EYS: variants seen among roughly 807,000 people sequenced by gnomAD.
EYS encodes protein eyes shut homolog.
EYS carries 250 observed loss-of-function variants against 282.1 expected under a neutral mutation model. The ratio of observed to expected loss-of-function variants is 0.89; its 90% CI spans 0.80 to 0.98. The LOEUF (loss-of-function observed/expected upper bound fraction) is 0.98, where lower values mean the gene tolerates loss of function less well. EYS is among the 50% of genes least tolerant of loss of function. EYS has a pLI of 0.00. For synonymous variants in EYS, 1,355 were observed against 1,282.9 expected (o/e 1.06, Z -1.20); for missense variants, 4,016 against 3,709.0 (o/e 1.08, Z -2.15).
chr6:64,569,585 C>CA (rs1166888175), intron 26 of EYS, among the ~76,000 whole-genome samples: 24 of 151,900 alleles, frequency 1.6e-4, no homozygotes, highest in African/African-American at 4.1e-4. Context: ...ACTAAAAATA[C>CA]AAGAAATTAG....
chr6:64,301,266 T>G (rs1769222484), intron 30 of EYS, among the ~76,000 whole-genome samples: 2 of 152,182 alleles, frequency 1.3e-5, no homozygotes. Context: ...TACCTACTGA[T>G]AGGTTGCAAA....
At chr6:65,202,959 C>A (rs1004355436) in intron 12 of EYS, among the ~76,000 whole-genome samples, 1 of 152,174 alleles carries the variant, frequency 6.6e-6, no homozygotes. Context: ...GTACTTGCAC[C>A]TGCCTCAGAG....
At chr6:63,890,124 G>A (rs1029893057) in intron 35 of EYS, among the ~76,000 whole-genome samples, 3 of 152,132 alleles carry the variant, frequency 2.0e-5, no homozygotes, top group African/African-American at 7.2e-5. Flanking sequence ...CAAGTTCCTA[G>A]AGACCTACAA....
intron 35 of EYS, among the ~76,000 whole-genome samples, chr6:63,895,789 C>A (rs575748858): frequency 9.2e-5 from 14 of 152,258 alleles, no homozygotes; most frequent in Non-Finnish European, 1.8e-4. Flanking sequence ...GTCCTAGTTC[C>A]CACCCACACG....
intron 14 of EYS, among the ~76,000 whole-genome samples, chr6:64,957,731 T>G (rs1769759694): frequency 6.6e-6 from 1 of 152,140 alleles, no homozygotes; most frequent in Non-Finnish European, 1.5e-5. Flanking sequence ...ACACCTATTA[T>G]GTACCCGCAA....
chr6:65,344,197 A>C lies in EYS; in HGVS notation c.1460-20T>G, dbSNP rs57139139. The C allele has an allele frequency of 1.2e-4, 190 of 1,579,682 alleles. No individual in the cohort carries two copies. In the African/African-American group the frequency reaches 2.3e-3, roughly 19 times the overall value. On this transcript the variant is annotated intron_variant, in intron 9 of 42. Transcript: ENST00000503581. ...CAGATCCTTTAAAAAAAAAGAGATA[A>C]AAAATTAAATAAACTCTTACAAACT...
chr6:65,510,011 T>C (rs563413347), intron 2 of EYS, among the ~76,000 whole-genome samples: 25 of 152,148 alleles, frequency 1.6e-4, no homozygotes, highest in African/African-American at 6.0e-4. Flanking sequence ...AAATTTTCTT[T>C]TTTTTTTCTT....
intron 41 of EYS, among the ~76,000 whole-genome samples, chr6:63,730,442 G>T (rs1322319174): frequency 6.6e-6 from 1 of 152,182 alleles, no homozygotes; most frequent in Non-Finnish European, 1.5e-5. Flanking sequence ...AGCTTTGCAT[G>T]ATTTGGCCTC....
At chr6:64,394,930 T>C (rs1582697192) in intron 28 of EYS, among the ~76,000 whole-genome samples, 1 of 151,858 alleles carries the variant, frequency 6.6e-6, no homozygotes, top group Non-Finnish European at 1.5e-5. Flanking sequence ...CAAACAAATT[T>C]ACAAGAAAAA....
intron 30 of EYS, among the ~76,000 whole-genome samples, chr6:64,295,049 C>A (rs1299747208): frequency 6.6e-6 from 1 of 151,642 alleles, no homozygotes; most frequent in African/African-American, 2.4e-5. Context: ...GTTATGCATT[C>A]TTGGGTTATT....
At chr6:64,304,254 T>G (rs563262646) in intron 30 of EYS, among the ~76,000 whole-genome samples, 1 of 152,274 alleles carries the variant, frequency 6.6e-6, no homozygotes, top group Admixed American at 6.5e-5. Context: ...ACCTGGCATA[T>G]AAACACTTAG....
intron 11 of EYS, among the ~76,000 whole-genome samples, chr6:65,327,469 G>T (rs1350492966): frequency 4.6e-5 from 7 of 151,328 alleles, no homozygotes; most frequent in South Asian, 2.1e-4. Context: ...TGAAATATTT[G>T]TCTGCTTTTG....
At chr6:65,139,305 C>G (rs371270407) in intron 12 of EYS, among the ~76,000 whole-genome samples, 4 of 152,106 alleles carry the variant, frequency 2.6e-5, no homozygotes, top group Admixed American at 1.3e-4. Flanking sequence ...AACTGAAGGC[C>G]GTTATCCTAA....
At chr6:64,341,273 G>C (rs968703575) in intron 29 of EYS, among the ~76,000 whole-genome samples, 2 of 151,774 alleles carry the variant, frequency 1.3e-5, no homozygotes, top group African/African-American at 4.8e-5. Flanking sequence ...TGTCACAATA[G>C]CAAAGACATT....
intron 5 of EYS, among the ~76,000 whole-genome samples, chr6:65,487,642 T>G (rs11612378): frequency 7.2e-5 from 11 of 152,150 alleles, no homozygotes; most frequent in Non-Finnish European, 1.3e-4. Flanking sequence ...TCTATTTTTT[T>G]GTTTTGTCTC....
At chr6:64,595,906 A>C (rs1766571236) in intron 24 of EYS, among the ~76,000 whole-genome samples, 1 of 152,182 alleles carries the variant, frequency 6.6e-6, no homozygotes, top group African/African-American at 2.4e-5. Context: ...GGTATTTCAT[A>C]AAGAAAGTAG....
chr6:64,259,205 T>C (rs2150352099), intron 30 of EYS, among the ~76,000 whole-genome samples: 3 of 152,156 alleles, frequency 2.0e-5, no homozygotes, highest in Admixed American at 2.0e-4. Flanking sequence ...TATTCTAGAA[T>C]TGATTGGTCA....
At chr6:64,223,608 A>G (rs1199514704) in intron 31 of EYS, among the ~76,000 whole-genome samples, 2 of 152,046 alleles carry the variant, frequency 1.3e-5, no homozygotes, top group Non-Finnish European at 2.9e-5. Flanking sequence ...TAAGTTACTA[A>G]ACTTTTTTTG....
chr6:63,895,323 G>A (rs1001373735), intron 35 of EYS, among the ~76,000 whole-genome samples: 3 of 152,002 alleles, frequency 2.0e-5, no homozygotes, highest in Admixed American at 1.3e-4. Flanking sequence ...TACAATATAA[G>A]AGAAAATGGA....
Sources: allele counts gnomAD v4.1 joint callset (sites outside exome capture counted in the v4.1 genomes callset), GRCh38; gene constraint gnomAD v4.1.1; transcripts MANE v1.5; gene names NCBI Gene and HGNC (gene_info 2026-07-23, HGNC 2026-07-21).